TENM3: variants seen among roughly 807,000 people sequenced by gnomAD.
The protein encoded by TENM3 is teneurin transmembrane protein 3, also known as teneurin-3.
TENM3 carries 63 observed loss-of-function variants against 255.1 expected under a neutral mutation model. That is an observed-to-expected ratio of 0.25 (90% CI 0.20 to 0.30). The LOEUF (loss-of-function observed/expected upper bound fraction) is 0.30, where lower values mean the gene tolerates loss of function less well. Among genes scored for constraint, TENM3 ranks in the 10% least tolerant of loss-of-function variants. The pLI, the probability that TENM3 is intolerant of heterozygous loss-of-function variation, is 1.00. For missense variants in TENM3, 2,929 were observed against 3,461.1 expected (o/e 0.85, Z 3.86); for synonymous variants, 1,306 against 1,322.3 (o/e 0.99, Z 0.27).
chr4:182,546,081 T>G (rs1014757123), intron 3 of TENM3, among the ~76,000 whole-genome samples: 2 of 152,214 alleles, frequency 1.3e-5, no homozygotes, highest in African/African-American at 4.8e-5. Flanking sequence ...GAAAATATTC[T>G]TACTGTTCAT....
At chr4:181,892,411 TATTTA>T in the TENM3 span, among the ~76,000 whole-genome samples, 1 of 152,242 alleles carries the variant, frequency 6.6e-6, no homozygotes, top group Non-Finnish European at 1.5e-5. Context: ...GTCACCATTT[TATTTA>T]ATGGTGGCTA....
the TENM3 span, among the ~76,000 whole-genome samples, chr4:182,032,479 G>A: frequency 6.6e-5 from 10 of 152,244 alleles, no homozygotes; most frequent in African/African-American, 1.4e-4. Context: ...CTTTTGCATC[G>A]ATGTTCATCG....
chr4:181,702,186 G>T, the TENM3 span, among the ~76,000 whole-genome samples: 1 of 152,190 alleles, frequency 6.6e-6, no homozygotes, highest in Non-Finnish European at 1.5e-5. Context: ...TGAAACTGAG[G>T]CTATGGACAA....
intron 3 of TENM3, among the ~76,000 whole-genome samples, chr4:182,454,580 T>C (rs1167499831): frequency 1.3e-5 from 2 of 152,250 alleles, no homozygotes; most frequent in Non-Finnish European, 2.9e-5. Context: ...ATGTTTGTTT[T>C]AACAAGTGCC....
At chr4:182,441,298 T>C (rs753357068) in intron 3 of TENM3, among the ~76,000 whole-genome samples, 1 of 152,156 alleles carries the variant, frequency 6.6e-6, no homozygotes, top group Non-Finnish European at 1.5e-5. Flanking sequence ...GAGGTTTATG[T>C]TAGCTTAGGA....
the TENM3 span, among the ~76,000 whole-genome samples, chr4:181,785,206 T>A: frequency 6.6e-6 from 1 of 152,120 alleles, no homozygotes; most frequent in African/African-American, 2.4e-5. Flanking sequence ...AGAACAAGAA[T>A]AAGTAGATGC....
At chr4:182,311,441 A>C (rs1448200823) in intron 1 of TENM3, among the ~76,000 whole-genome samples, 1 of 152,116 alleles carries the variant, frequency 6.6e-6, no homozygotes, top group Non-Finnish European at 1.5e-5. Context: ...AAAAAATTTT[A>C]TCTCTTAAAT....
At chr4:182,584,286 C>T (rs1167336967) in intron 3 of TENM3, among the ~76,000 whole-genome samples, 1 of 152,158 alleles carries the variant, frequency 6.6e-6, no homozygotes, top group East Asian at 1.9e-4. Flanking sequence ...ACTATGACAA[C>T]ATGACATTGA....
intron 3 of TENM3, among the ~76,000 whole-genome samples, chr4:182,575,353 A>G (rs949023725): frequency 1.3e-5 from 2 of 152,172 alleles, no homozygotes; most frequent in Non-Finnish European, 2.9e-5. Flanking sequence ...AGGGCCAGAT[A>G]GTAAATATTT....
the TENM3 span, among the ~76,000 whole-genome samples, chr4:182,005,934 T>A: frequency 6.6e-6 from 1 of 152,190 alleles, no homozygotes; most frequent in Non-Finnish European, 1.5e-5. Flanking sequence ...CCGGAGACTT[T>A]GCTGAAGTTG....
chr4:182,164,081 A>C (rs1380732975), intron 1 of TENM3, among the ~76,000 whole-genome samples: 1 of 152,182 alleles, frequency 6.6e-6, no homozygotes, highest in Admixed American at 6.5e-5. Context: ...GACAGTGAGC[A>C]CCAAATCACC....
the TENM3 span, among the ~76,000 whole-genome samples, chr4:181,919,325 A>G: frequency 1.3e-5 from 2 of 151,554 alleles, no homozygotes; most frequent in Non-Finnish European, 2.9e-5. Flanking sequence ...CTGAGCTGGG[A>G]GTGAGCTATA....
the TENM3 span, among the ~76,000 whole-genome samples, chr4:181,547,860 G>A: frequency 6.6e-6 from 1 of 151,710 alleles, no homozygotes; most frequent in Non-Finnish European, 1.5e-5. Flanking sequence ...ACAATGTGCA[G>A]GTTTGTTACA....
At chr4:182,661,343 T>C (rs1350680062) in intron 6 of TENM3, among the ~76,000 whole-genome samples, 1 of 151,764 alleles carries the variant, frequency 6.6e-6, no homozygotes, top group Admixed American at 6.6e-5. Flanking sequence ...TGGGACTAAA[T>C]TTTACATTTT....
intron 1 of TENM3, among the ~76,000 whole-genome samples, chr4:182,261,242 G>C (rs569570777): frequency 6.6e-6 from 1 of 152,136 alleles, no homozygotes; most frequent in Admixed American, 6.5e-5. Flanking sequence ...ACTGAAGTTC[G>C]AGACACTGAT....
chr4:182,217,857 C>T lies in TENM3; in HGVS notation c.-76+73103C>T, dbSNP rs544728587. 1.6e-3 allele frequency among the ~76,000 whole-genome samples: 249 copies of T among 152,090 alleles called. 1 individual carries two copies. Among genetic ancestry groups the T allele is most frequent in the Non-Finnish European group, 2.7e-3 (186 of 67,992 alleles). On this transcript the variant is annotated intron_variant, in intron 1 of 2. Transcript: ENST00000512480. ...TAATAATGTTATGAATATTAAAGCC[C>T]CATAAAAAGAAAGGTATTCTGCCTA...
chr4:181,782,320 G>A, the TENM3 span, among the ~76,000 whole-genome samples: 1 of 152,150 alleles, frequency 6.6e-6, no homozygotes, highest in South Asian at 2.1e-4. Flanking sequence ...TCTATTCAGG[G>A]ATTCAACTTC....
At chr4:182,746,251 T>C (rs918416798) in intron 19 of TENM3, among the ~76,000 whole-genome samples, 6 of 152,212 alleles carry the variant, frequency 3.9e-5, no homozygotes, top group African/African-American at 1.4e-4. Context: ...AGAATAGTTC[T>C]GTAAAGGAAG....
intron 3 of TENM3, among the ~76,000 whole-genome samples, chr4:182,359,382 T>C (rs1765798637): frequency 6.6e-6 from 1 of 151,588 alleles, no homozygotes; most frequent in Non-Finnish European, 1.5e-5. Context: ...TATTGATTAT[T>C]GCCACAATTT....
Sources: allele counts gnomAD v4.1 joint callset (sites outside exome capture counted in the v4.1 genomes callset), GRCh38; gene constraint gnomAD v4.1.1; transcripts MANE v1.5; gene names NCBI Gene and HGNC (gene_info 2026-07-23, HGNC 2026-07-21).